The following SMC4 variants were observed in gnomAD, a reference collection of about 807,000 sequenced individuals.
The protein encoded by SMC4 is structural maintenance of chromosomes protein 4.
In SMC4, 87 loss-of-function variants were observed where a neutral mutation model predicts 145.6. The observed-to-expected ratio is 0.60, with a 90% CI of 0.50 to 0.71. The LOEUF is 0.71. Among genes scored for constraint, SMC4 ranks in the 30% least tolerant of loss-of-function variants. The pLI is 0.00. For missense variants in SMC4, 1,447 were observed against 1,537.1 expected, an observed-to-expected ratio of 0.94 and a Z score of 0.98; for synonymous variants, 558 against 500.7, an observed-to-expected ratio of 1.11 and a Z score of -1.53.
intron 12 of SMC4, 94 bp downstream of exon 12, chr3:160,419,637 C>T (rs1032538541): frequency 2.7e-6 from 3 of 1,116,968 alleles, no homozygotes; most frequent in Non-Finnish European, 3.8e-6. Context: ...TCAAGTGTCA[C>T]TGTATATAAA....
intron 20 of SMC4, 35 bp from the exon 21 acceptor site, chr3:160,431,608 G>T: frequency 6.9e-7 from 1 of 1,443,962 alleles, no homozygotes; most frequent in Non-Finnish European, 9.4e-7. Flanking sequence ...GTAATATTAT[G>T]CCTTCTCTAA....
chr3:160,428,595 C>T (rs1338631449), intron 17 of SMC4, among the ~76,000 whole-genome samples, 158 bp from the exon 18 acceptor site: 1 of 151,652 alleles, frequency 6.6e-6, no homozygotes, highest in African/African-American at 2.4e-5. Flanking sequence ...TGTTTTGATA[C>T]AGGATATCGT....
intron 1 of SMC4, chr3:160,400,000 C>A (rs993549343): frequency 1.3e-5 from 2 of 152,226 alleles, no homozygotes; most frequent in East Asian, 1.9e-4. Context: ...CCTCGCAGAT[C>A]TTTTCTTTAA....
intron 5 of SMC4, among the ~76,000 whole-genome samples, chr3:160,405,333 T>C (rs75940710): frequency 7.0e-6 from 1 of 143,636 alleles, no homozygotes; most frequent in East Asian, 2.0e-4. Context: ...AAAAAAAAAT[T>C]AGGGTAAAAC....
intron 5 of SMC4, among the ~76,000 whole-genome samples, chr3:160,407,076 T>C (rs927504257): frequency 6.6e-6 from 1 of 152,208 alleles, no homozygotes; most frequent in African/African-American, 2.4e-5. Context: ...TTAGGGGTGC[T>C]TTTGCTCCAT....
intron 16 of SMC4, 110 bp from the exon 17 acceptor site, chr3:160,425,964 C>T: frequency 1.3e-6 from 1 of 789,608 alleles, no homozygotes; most frequent in Non-Finnish European, 2.0e-6. Flanking sequence ...TTTCCTCTTC[C>T]TATTAGTGTG....
rs1718772156 is a variant in SMC4, at chr3:160,434,481, A to C, written c.*672A>C. 1 of 152,242 alleles carries C rather than the reference A, an allele frequency of 6.6e-6. No homozygotes were observed. The highest frequency in any genetic ancestry group is 2.1e-4 in the South Asian group (1 of 4,836). The allele number at this position is 152,242 out of a possible 1,614,324, so 9.4% of individuals were successfully genotyped here. On this transcript the variant is annotated 3_prime_UTR_variant, in exon 24 of 24. Coordinates refer to ENST00000357388, the MANE Select transcript of SMC4 (RefSeq NM_001002800.3). ...CCTCTGATTTACACTGGTTCAATTT[A>C]CAAATTTTCAACTTTATGATAGGTT...
Position 160,432,504 on chromosome 3 carries a change from A to C in SMC4, c.3519A>C (p.Gly1173=). 6.3e-7 allele frequency: 1 copy of C among 1,595,218 alleles called. No individual in the cohort carries two copies. Among genetic ancestry groups the C allele is most frequent in the Non-Finnish European group, 8.6e-7 (1 of 1,169,146 alleles). Residue 1173 remains glycine, a synonymous_variant, in exon 22 of 24, where the codon GGA becomes GGC. Coordinates refer to ENST00000357388, the MANE Select transcript of SMC4 (RefSeq NM_001002800.3). ...ACAGCTTGGATCCTTTCTCTGAAGG[A>C]ATCATGTTCAGGTGTGTAATTATGC... ...LVDSLDPFSE[G]IMFSVRPPKK...
Position 160,404,407 on chromosome 3 carries a change from A to G in SMC4, c.590A>G (p.Tyr197Cys), listed in dbSNP as rs765021210. The change falls in exon 5 of 24, where the codon TAT (tyrosine) becomes TGT (cysteine). Residue 197 changes from tyrosine to cysteine, a missense_variant. By Grantham distance (194) the Tyr-to-Cys change is radical (BLOSUM62 -2). Coordinates refer to ENST00000357388, the MANE Select transcript of SMC4 (RefSeq NM_001002800.3). ...GCCTGCAGAGATAATACTTCTGTCT[A>G]TCACATAAGTGGAAAGAAAAAGACA... ...RTACRDNTSVYHISGKKKTFK... is the reference protein window; with the variant it reads ...RTACRDNTSVCHISGKKKTFK... The G allele has an allele frequency of 1.1e-5, 18 of 1,611,502 alleles. No homozygotes were observed. Among genetic ancestry groups the G allele is most frequent in the South Asian group, 2.2e-5 (2 of 90,488 alleles).
intron 18 of SMC4, 27 bp downstream of exon 18, chr3:160,428,969 G>T: frequency 6.5e-7 from 1 of 1,531,398 alleles, no homozygotes; most frequent in Non-Finnish European, 8.7e-7. Flanking sequence ...ACCCTAACTT[G>T]TTTTCCCTTT....
chr3:160,412,606 A>G, intron 7 of SMC4, 153 bp downstream of exon 7: 1 of 1,271,118 alleles, frequency 7.9e-7, no homozygotes, highest in Non-Finnish European at 1.0e-6. Context: ...TCATGCCTGT[A>G]ATTCCAGCAC....
rs763072340 is a variant in SMC4, at chr3:160,417,872, A to G, written c.1587A>G (p.Ala529=). ...CTAAGGCTAAGGAAGCTCTAATTGC[A>G]GCTTCTGAGACTCTCAAAGAAAGGA... is the stretch of plus-strand genomic sequence containing the variant. ...QLTKAKEALI[A]ASETLKERKA... is the part of the protein sequence containing the mutation. Residue 529 remains alanine, a synonymous_variant, in exon 11 of 24, where the codon GCA becomes GCG. Transcript: ENST00000357388. 1.1e-5 allele frequency: 17 copies of G among 1,613,742 alleles called. No homozygotes were observed. The highest frequency in any genetic ancestry group is 1.4e-5 in the Non-Finnish European group (17 of 1,179,796).
At chr3:160,414,281 A>C (rs1190719587) in intron 8 of SMC4, 86 bp from the exon 9 acceptor site, 1 of 1,080,114 alleles carries the variant, frequency 9.3e-7, no homozygotes, top group South Asian at 1.3e-5. Context: ...GGACATATTT[A>C]TAGAGGAAGT....
chr3:160,423,460 A>G lies in SMC4; in HGVS notation c.2055A>G (p.Gln685=), dbSNP rs773543134. Residue 685 remains glutamine (Q), a synonymous_variant, in exon 14 of 24, where the codon CAA becomes CAG. Transcript: ENST00000357388. ...GGGCGAAAAAGATGACCGAAATTCA[A>G]ACTCCTGAAAATACTCCTCGTTTAT... ...AVWAKKMTEI[Q]TPENTPRLFD... 45 of 1,608,120 alleles carry G rather than the reference A, an allele frequency of 2.8e-5. No homozygotes were observed. Among genetic ancestry groups the G allele is most frequent in the Non-Finnish European group, 3.8e-5 (45 of 1,176,176 alleles).
chr3:160,408,169 TAAAGA>T (rs1715557683), intron 5 of SMC4, among the ~76,000 whole-genome samples: 1 of 151,336 alleles, frequency 6.6e-6, no homozygotes, highest in East Asian at 1.9e-4. Flanking sequence ...CAAGTAAAAA[TAAAGA>T]GAAGAATAAT....
At chr3:160,425,299 CT>C (rs1232614807) in intron 16 of SMC4, among the ~76,000 whole-genome samples, 2 of 152,130 alleles carry the variant, frequency 1.3e-5, no homozygotes, top group East Asian at 3.9e-4. Context: ...TATTTTTATT[CT>C]CTTTTCAAAG....
At position 160,423,431 on chromosome 3, in the gene SMC4, G is replaced by T; in HGVS notation, c.2026G>T (p.Val676Leu). 6.4e-7 allele frequency: 1 copy of T among 1,556,886 alleles called. No individual in the cohort carries two copies. Among genetic ancestry groups the T allele is most frequent in the South Asian group, 1.2e-5 (1 of 85,930 alleles). The change falls in exon 14 of 24, where the codon GTA becomes TTA. Residue 676 changes from valine (V) to leucine (L), a missense_variant. Physicochemically the swap from Val to Leu is conservative, Grantham distance 32. Transcript: ENST00000357388. Reference sequence around the variant, plus strand: ...TTTGTTTGTTTACTTTTAGATGGCTGTATGGGCGAAAAAGATGACCGAAAT... The same window carrying T: ...TTTGTTTGTTTACTTTTAGATGGCTTTATGGGCGAAAAAGATGACCGAAAT... ...ATFIGLDKMAVWAKKMTEIQT... is the reference protein window; with the variant it reads ...ATFIGLDKMALWAKKMTEIQT...
At position 160,434,017 on chromosome 3, in the gene SMC4, C is replaced by T; in HGVS notation, c.*208C>T. The stretch of plus-strand genomic sequence containing the variant: ...AAAAATATGACAATCTTGTAAGTAG[C>T]AGACTATGGAGAAAAATGAGTTACC... On this transcript the variant is annotated 3_prime_UTR_variant, in exon 24 of 24. Coordinates refer to ENST00000357388, the MANE Select transcript of SMC4 (RefSeq NM_001002800.3). 2.6e-6 allele frequency: 1 copy of T among 385,220 alleles called. No individual in the cohort carries two copies. The allele number at this position is 385,220 out of a possible 1,614,324, so 23.9% of individuals were successfully genotyped here.
chr3:160,432,150 C>A lies in SMC4; in HGVS notation c.3298-133C>A, dbSNP rs182678074. On this transcript the variant is annotated intron_variant, in intron 21 of 23. Coordinates refer to ENST00000357388, the MANE Select transcript of SMC4 (RefSeq NM_001002800.3). ...CTGGGAGGTGGAGGTTGCCGTGAGCCGAGATCGCGCCATTGCACTCCAGCC... is the reference window on the plus strand; with the variant it reads ...CTGGGAGGTGGAGGTTGCCGTGAGCAGAGATCGCGCCATTGCACTCCAGCC... The A allele has an allele frequency of 4.6e-4, 326 of 705,836 alleles. 3 individuals carry two copies. The African/African-American group carries it at 5.4e-3, about 12-fold the overall frequency. The allele number at this position is 705,836 out of a possible 1,614,324, so 43.7% of individuals were successfully genotyped here. A position where few individuals can be genotyped will look rare whatever the true frequency, so the allele number is the denominator to read the frequency against.
Sources: gnomAD v4.1 joint callset for allele counts (sites outside exome capture counted in the v4.1 genomes callset) on GRCh38, gnomAD v4.1.1 for gene constraint, MANE v1.5 for transcripts, NCBI Gene and HGNC (gene_info 2026-07-23, HGNC 2026-07-21) for gene names.